Variants in OPCML observed in about 807,000 individuals in gnomAD.
The protein encoded by OPCML is opioid-binding protein/cell adhesion molecule.
Under a neutral mutation model 37.8 loss-of-function variants are expected in OPCML, and 13 were observed. The observed-to-expected ratio is 0.34, with a 90% confidence interval of 0.22 to 0.55. OPCML has a LOEUF of 0.55. Ranked by LOEUF, OPCML falls within the 20% of genes least tolerant of loss-of-function variation. The probability of loss-of-function intolerance (pLI) is 0.91; values close to 1 mark genes in which losing one functional copy is unlikely to be tolerated. For missense variants in OPCML, 341 were observed against 435.6 expected, an observed-to-expected ratio of 0.78 and a Z score of 1.93; for synonymous variants, 176 against 168.8, an observed-to-expected ratio of 1.04 and a Z score of -0.33.
Position 132,645,748 on chromosome 11 carries a change from C to G in OPCML, c.379+11339G>C, listed in dbSNP as rs1941115230. Among the ~76,000 whole-genome samples, 3 of 152,178 alleles carry G rather than the reference C, an allele frequency of 2.0e-5. No homozygotes were observed. The South Asian group carries it at 6.2e-4, about 31-fold the overall frequency. The stretch of plus-strand genomic sequence containing the variant: ...AGCTACTGGTCATGTGTGTCTATTT[C>G]AAATTAAATTAATTAAAATTAAATA... On this transcript the variant is annotated intron_variant, in intron 3 of 7. Transcript: ENST00000524381.
chr11:132,607,339 A>AATC (rs1370767913), intron 3 of OPCML, among the ~76,000 whole-genome samples: 13 of 152,270 alleles, frequency 8.5e-5, no homozygotes, highest in African/African-American at 3.1e-4. Flanking sequence ...CTCTAGAGAT[A>AATC]ATCTATAACT....
chr11:133,439,366 C>T (rs1946310847), intron 1 of OPCML: 1 of 984,942 alleles, frequency 1.0e-6, no homozygotes, highest in Non-Finnish European at 1.2e-6. Flanking sequence ...CACCATGCCA[C>T]ACCTAGATGA....
chr11:133,035,970 C>T (rs187716342), intron 1 of OPCML, among the ~76,000 whole-genome samples: 1 of 152,244 alleles, frequency 6.6e-6, no homozygotes, highest in African/African-American at 2.4e-5. Context: ...TTTCTAGTTC[C>T]CAAAACTATG....
chr11:133,353,006 G>A (rs1024849563), intron 1 of OPCML, among the ~76,000 whole-genome samples: 3 of 152,134 alleles, frequency 2.0e-5, no homozygotes, highest in Admixed American at 6.5e-5. Context: ...TACGACAGGT[G>A]CCCAATAAAT....
At chr11:132,469,980 T>C (rs1453084253) in intron 4 of OPCML, among the ~76,000 whole-genome samples, 1 of 151,314 alleles carries the variant, frequency 6.6e-6, no homozygotes, top group Non-Finnish European at 1.5e-5. Context: ...TGGTGGGGGA[T>C]GGTAGTGGTC....
At chr11:133,075,127 C>T (rs961838010) in intron 1 of OPCML, among the ~76,000 whole-genome samples, 14 of 152,144 alleles carry the variant, frequency 9.2e-5, no homozygotes, top group Non-Finnish European at 2.9e-5. Flanking sequence ...GAGTAGTAGA[C>T]AAGGCTCACC....
rs571101700 is a variant in OPCML at position 132,490,659 on chromosome 11, A to C, written c.505+38402T>G. ...CAGTGAAACCCCGTCTCTACTAAAA[A>C]TACAAAAAAATTAGCCGGGTGTGGT... On this transcript the variant is annotated intron_variant, in intron 4 of 7. Transcript: ENST00000524381. Among the ~76,000 whole-genome samples, 4 of 152,112 alleles carry C rather than the reference A, an allele frequency of 2.6e-5. No individual in the cohort carries two copies. The South Asian group carries it at 8.3e-4, about 32-fold the overall frequency.
At chr11:132,708,569 G>A (rs767796026) in intron 2 of OPCML, among the ~76,000 whole-genome samples, 6 of 152,166 alleles carry the variant, frequency 3.9e-5, no homozygotes, top group Non-Finnish European at 8.8e-5. Flanking sequence ...GACCAAGTAG[G>A]TAACACAGGT....
At chr11:133,417,279 A>G (rs1353888056) in intron 1 of OPCML, among the ~76,000 whole-genome samples, 1 of 152,194 alleles carries the variant, frequency 6.6e-6, no homozygotes, top group African/African-American at 2.4e-5. Context: ...TGCAATTGGC[A>G]TGTGTGAACA....
chr11:132,546,502 G>C (rs1343150934), intron 3 of OPCML, among the ~76,000 whole-genome samples: 1 of 152,048 alleles, frequency 6.6e-6, no homozygotes, highest in Non-Finnish European at 1.5e-5. Context: ...TCATAGCTTA[G>C]CTCCCACTTA....
At chr11:132,587,452 G>A (rs1263006411) in intron 3 of OPCML, among the ~76,000 whole-genome samples, 2 of 152,200 alleles carry the variant, frequency 1.3e-5, no homozygotes, top group Admixed American at 6.5e-5. Flanking sequence ...AGAGGACACA[G>A]GAGGCTGCAC....
intron 2 of OPCML, among the ~76,000 whole-genome samples, chr11:132,742,922 A>G (rs1353516765): frequency 6.6e-6 from 1 of 152,078 alleles, no homozygotes; most frequent in Non-Finnish European, 1.5e-5. Context: ...AGTTCCATCC[A>G]AAACAGGTTG....
intron 1 of OPCML, among the ~76,000 whole-genome samples, chr11:133,217,677 C>T (rs183573493): frequency 2.1e-4 from 32 of 152,294 alleles, no homozygotes; most frequent in Admixed American, 1.8e-3. Context: ...CAAACTGCAC[C>T]GATCTGCTGG....
chr11:132,891,862 C>T (rs1265854887), intron 2 of OPCML, among the ~76,000 whole-genome samples: 1 of 152,156 alleles, frequency 6.6e-6, no homozygotes, highest in Non-Finnish European at 1.5e-5. Flanking sequence ...TCCCTGTAAA[C>T]ATCCTCTCTT....
At chr11:133,431,386 ATATTAC>A (rs1403637196) in intron 1 of OPCML, among the ~76,000 whole-genome samples, 18 of 152,334 alleles carry the variant, frequency 1.2e-4, no homozygotes, top group African/African-American at 3.8e-4. Flanking sequence ...GTTTTACAAA[ATATTAC>A]TATTAAGTCA....
intron 2 of OPCML, among the ~76,000 whole-genome samples, chr11:132,751,466 T>C (rs1330490557): frequency 6.6e-6 from 1 of 152,254 alleles, no homozygotes; most frequent in East Asian, 1.9e-4. Flanking sequence ...AGTCAAATAC[T>C]AAATTCATTG....
At chr11:132,858,768 T>C (rs1942171300) in intron 2 of OPCML, among the ~76,000 whole-genome samples, 1 of 152,238 alleles carries the variant, frequency 6.6e-6, no homozygotes, top group Non-Finnish European at 1.5e-5. Context: ...TCTATCAGTG[T>C]AAGCCACGTT....
At chr11:132,987,833 T>A (rs1591883364) in intron 1 of OPCML, among the ~76,000 whole-genome samples, 1 of 152,222 alleles carries the variant, frequency 6.6e-6, no homozygotes, top group African/African-American at 2.4e-5. Context: ...ACAAAACTGA[T>A]GTCAAGGAAT....
intron 1 of OPCML, among the ~76,000 whole-genome samples, chr11:133,015,495 GGAAA>G (rs1947315623): frequency 6.7e-6 from 1 of 149,924 alleles, no homozygotes; most frequent in South Asian, 2.1e-4. Context: ...AAGGAAGGAA[GGAAA>G]GAAAGTCATT....
Sources: allele counts gnomAD v4.1 joint callset (sites outside exome capture counted in the v4.1 genomes callset), GRCh38; gene constraint gnomAD v4.1.1; transcripts MANE v1.5; gene names NCBI Gene and HGNC (gene_info 2026-07-23, HGNC 2026-07-21).